The following PLXNB3 variants were observed in gnomAD, a reference collection of about 807,000 sequenced individuals.
The protein encoded by PLXNB3 is plexin-B3.
PLXNB3 carries 80 observed loss-of-function variants against 125.7 expected under a neutral mutation model. The ratio of observed to expected loss-of-function variants is 0.64; its 90% CI spans 0.53 to 0.77. The LOEUF (loss-of-function observed/expected upper bound fraction) is 0.77, where lower values mean the gene tolerates loss of function less well. Ranked by LOEUF, PLXNB3 falls within the 30% of genes least tolerant of loss-of-function variation. The probability of loss-of-function intolerance (pLI) is 0.00; values close to 1 mark genes in which losing one functional copy is unlikely to be tolerated. For synonymous variants in PLXNB3, 954 were observed against 783.3 expected, an observed-to-expected ratio of 1.22 and a Z score of -3.64; for missense variants, 1,836 against 1,729.3, an observed-to-expected ratio of 1.06 and a Z score of -1.09.
chrX:153,765,986 A>G (rs782060175), intron 2 of PLXNB3: 1 of 746,804 alleles, frequency 1.3e-6, no homozygotes, highest in South Asian at 6.9e-5. Flanking sequence ...CCCTTCCCTG[A>G]CCCCTCCCCC....
Position 153,775,024 on chromosome X carries a change from A to G in PLXNB3, c.4076A>G (p.Glu1359Gly). Residue 1359 changes from glutamate to glycine, a missense_variant, in exon 24 of 36, where the codon GAG (glutamate) becomes GGG (glycine). Transcript: ENST00000361971. ...PLQPKPEGPG[E>G]DGHCATVRQG... ...CAGCCCAAGCCTGAGGGGCCAGGGG[A>G]GGACGGCCACTGTGCCACTGTGCGC... 8.3e-7 allele frequency: 1 copy of G among 1,208,548 alleles called. No individual in the cohort carries two copies.
At position 153,771,956 on chromosome X, in the gene PLXNB3, C is replaced by T. The variant is rs141591473; in HGVS notation, c.2610C>T (p.Ala870=). ...GGGCCTTCGCCGATGTGCAGTACGC[C>T]GTGAGCGTGGCCAGCCGGCCCTGCA... ...LGRAFADVQY[A]VSVASRPCNP... The change falls in exon 15 of 36, where the codon GCC becomes GCT. Residue 870 remains alanine (A), a synonymous_variant. Coordinates refer to ENST00000361971, the MANE Select transcript of PLXNB3 (RefSeq NM_005393.3). The T allele has an allele frequency of 1.0e-4, 126 of 1,207,715 alleles. 1 individual carries two copies. The Middle Eastern group carries it at 3.5e-3, about 33-fold the overall frequency.
rs1248500136 is a variant in PLXNB3 at position 153,779,265 on chromosome X, C to T, written c.*226C>T. 5 of 293,660 alleles carry T rather than the reference C, an allele frequency of 1.7e-5. No homozygotes were observed. The highest frequency in any genetic ancestry group is 5.9e-5 in the Admixed American group (1 of 16,842). 24.2% of individuals were successfully genotyped at this position (293,660 alleles called of 1,213,427 possible). A position where few individuals can be genotyped will look rare whatever the true frequency, so the allele number is the denominator to read the frequency against. ...AATTTATAAGGATCCCCCTCCTTCC[C>T]CCTCTCCCCATTGTATTTATTTGCC... On this transcript the variant is annotated 3_prime_UTR_variant, in exon 36 of 36. Coordinates refer to ENST00000361971, the MANE Select transcript of PLXNB3 (RefSeq NM_005393.3).
Position 153,777,364 on chromosome X carries a change from G to A in PLXNB3, c.5084G>A (p.Arg1695His), listed in dbSNP as rs1557064811. The A allele has an allele frequency of 1.0e-5, 12 of 1,200,160 alleles. No homozygotes were observed. The highest frequency in any genetic ancestry group is 3.0e-5 in the East Asian group (1 of 33,596). The change falls in exon 30 of 36, where the codon CGT becomes CAT. Residue 1695 changes from arginine (R) to histidine (H), a missense_variant. Arg to His is a conservative substitution (Grantham distance 29). Coordinates refer to ENST00000361971, the MANE Select transcript of PLXNB3 (RefSeq NM_005393.3). Reference sequence around the variant, plus strand: ...GCCATTCCGGAAATCTACCTCACCCGTCTGCTGTCCATGAAGGTTGGTGCG... The same window carrying A: ...GCCATTCCGGAAATCTACCTCACCCATCTGCTGTCCATGAAGGTTGGTGCG... Reference protein sequence around the residue: ...AKAIPEIYLTRLLSMKGTLQK... With the variant: ...AKAIPEIYLTHLLSMKGTLQK...
Position 153,778,617 on chromosome X carries a change from C to T in PLXNB3, c.5568C>T (p.Pro1856=). 1 of 1,203,273 alleles carries T rather than the reference C, an allele frequency of 8.3e-7. No homozygotes were observed. Among genetic ancestry groups the T allele is most frequent in the Admixed American group, 2.2e-5 (1 of 45,246 alleles). The change falls in exon 35 of 36, where the codon CCC becomes CCT. Residue 1856 remains proline (P), a synonymous_variant. Transcript: ENST00000361971. ...GCCCCCAGAACTACACTTCTGCTCC[C>T]CACTGTCTGGAGGCTCTGCAAGAAC... is the stretch of plus-strand genomic sequence containing the variant. The part of the protein sequence containing the change: ...AELSGNYTSA[P]HCLEALQELY...
chrX:153,766,936 C>A lies in PLXNB3; in HGVS notation c.109C>A (p.Pro37Thr). The change falls in exon 3 of 36, where the codon CCG (proline) becomes ACG (threonine). Residue 37 changes from proline (P) to threonine (T), a missense_variant. Coordinates refer to ENST00000361971, the MANE Select transcript of PLXNB3 (RefSeq NM_005393.3). ...LCLLLLLLSPPPLPLTGAHRF... is the reference protein window; with the variant it reads ...LCLLLLLLSPTPLPLTGAHRF... ...CCTCCTCCTGCTGCTGCTGTCCCCA[C>A]CGCCACTGCCCTTGACAGGGGCCCA... The A allele has an allele frequency of 8.3e-7, 1 of 1,210,120 alleles. No individual in the cohort carries two copies. The highest frequency in any genetic ancestry group is 1.1e-6 in the Non-Finnish European group (1 of 895,342).
Position 153,770,238 on chromosome X carries a change from T to C in PLXNB3, c.1776T>C (p.Pro592=), listed in dbSNP as rs782672870. ...CCCAAGACCAGGTGCCACTTAACCCTCCAGGCACAGGTGAGTGGCCCATGG... is the reference window on the plus strand; with the variant it reads ...CCCAAGACCAGGTGCCACTTAACCCCCCAGGCACAGGTGAGTGGCCCATGG... ...TPPQDQVPLN[P]PGTDHVTVPL... is the part of the protein sequence containing the mutation. The change falls in exon 8 of 36, where the codon CCT becomes CCC. Residue 592 remains proline, a synonymous_variant. Coordinates refer to ENST00000361971, the MANE Select transcript of PLXNB3 (RefSeq NM_005393.3). 40 of 1,209,210 alleles carry C rather than the reference T, an allele frequency of 3.3e-5. No individual in the cohort carries two copies. Among genetic ancestry groups the C allele is most frequent in the Admixed American group, 6.5e-5 (3 of 45,871 alleles).
chrX:153,776,510 G>A (rs1158899888), intron 28 of PLXNB3, 51 bp downstream of exon 28: 1 of 297,776 alleles, frequency 3.4e-6, no homozygotes, highest in Admixed American at 4.7e-5. Context: ...GGGGCAGGGC[G>A]AGGCAGGGCA....
intron 31 of PLXNB3, 121 bp downstream of exon 31, chrX:153,777,809 G>C: frequency 9.4e-7 from 1 of 1,068,380 alleles, no homozygotes; most frequent in Non-Finnish European, 1.3e-6. Flanking sequence ...GAAGATCTAG[G>C]GCCCAGGTCA....
intron 4 of PLXNB3, 145 bp from the exon 5 acceptor site, chrX:153,768,802 TG>T: frequency 1.5e-6 from 1 of 647,816 alleles, no homozygotes; most frequent in Non-Finnish European, 2.4e-6. Context: ...GGGTGCTGAG[TG>T]GGGGAAGTGA....
Position 153,767,320 on chromosome X carries a change from G to C in PLXNB3, c.493G>C (p.Ala165Pro). The C allele has an allele frequency of 8.3e-7, 1 of 1,205,411 alleles. No individual in the cohort carries two copies. The highest frequency in any genetic ancestry group is 1.1e-6 in the Non-Finnish European group (1 of 892,644). The change falls in exon 3 of 36, where the codon GCT becomes CCT. Residue 165 changes from alanine to proline, a missense_variant. Transcript: ENST00000361971. ...GGACCCTGGTGACGGGCAGTTTGTG[G>C]CTGCCAATACCCCGGGAGTGGCAAC... ...AEDPGDGQFV[A>P]ANTPGVATVG...
chrX:153,764,596 A>G (rs1241302699), intron 1 of PLXNB3, among the ~76,000 whole-genome samples: 1 of 112,956 alleles, frequency 8.9e-6, no homozygotes, highest in East Asian at 2.8e-4. Context: ...CCACCCCCAC[A>G]GCCACCCAAC....
Position 153,767,276 on chromosome X carries a change from AG to A in PLXNB3, c.451del (p.Val151CysfsTer150). The A allele has an allele frequency of 8.3e-7, 1 of 1,206,265 alleles. No individual in the cohort carries two copies. The highest frequency in any genetic ancestry group is 1.1e-6 in the Non-Finnish European group (1 of 893,076). ...CETRRLGDVA[E>X]VLYQAEDPGD... ...ACACGGCGCCTTGGGGATGTGGCCG[AG>A]GTGCTGTACCAGGCTGAGGACCCTG... On this transcript the variant is annotated frameshift_variant, in exon 3 of 36. Transcript: ENST00000361971. LOFTEE classifies it high-confidence loss of function.
chrX:153,775,413 G>C lies in PLXNB3; in HGVS notation c.4334+10G>C. 3.7e-5 allele frequency: 44 copies of C among 1,201,695 alleles called. No homozygotes were observed. Among genetic ancestry groups the C allele is most frequent in the Non-Finnish European group, 4.9e-5 (44 of 889,886 alleles). On this transcript the variant is annotated intron_variant, in intron 25 of 35. Coordinates refer to ENST00000361971, the MANE Select transcript of PLXNB3 (RefSeq NM_005393.3). ...AGCTCATGCTACGCAGGTTGGCCTT[G>C]ACCTGGACCCGGTGGCGGGGGTGAG...
At chrX:153,764,415 G>C (rs743607) in intron 1 of PLXNB3, 111 bp downstream of exon 1, 33,002 of 112,337 alleles carry the variant, frequency 0.29, 4,537 homozygotes, top group East Asian at 0.55. Context: ...AGGCAAGAGC[G>C]CTCGGGTGTC....
chrX:153,770,654 C>T lies in PLXNB3; in HGVS notation c.2010+12C>T, dbSNP rs782729455. The T allele has an allele frequency of 3.7e-5, 45 of 1,207,695 alleles. No individual in the cohort carries two copies. The highest frequency in any genetic ancestry group is 1.1e-4 in the South Asian group (6 of 56,671). On this transcript the variant is annotated intron_variant, in intron 10 of 35. Transcript: ENST00000361971. The stretch of plus-strand genomic sequence containing the variant: ...ACAGCGCCCAGGAGGTGGGTGGGCC[C>T]GAACTTCGGGCAGAGACAGGGCTGT...
In PLXNB3 at chrX:153,767,814, C is replaced by T. The variant is rs782788267; in HGVS notation, c.987C>T (p.Ala329=). 5 of 1,160,268 alleles carry T rather than the reference C, an allele frequency of 4.3e-6. No individual in the cohort carries two copies. The highest frequency in any genetic ancestry group is 2.6e-5 in the Admixed American group (1 of 38,510). ...MVELGASMEQ[A]RRLCYTAGGR... Reference sequence around the variant, plus strand: ...AGCTGGGTGCCAGCATGGAGCAGGCCCGGAGACTCTGCTACACGGCGGGCG... The same window carrying T: ...AGCTGGGTGCCAGCATGGAGCAGGCTCGGAGACTCTGCTACACGGCGGGCG... The change falls in exon 3 of 36, where the codon GCC becomes GCT. Residue 329 remains alanine (A), a synonymous_variant. Coordinates refer to ENST00000361971, the MANE Select transcript of PLXNB3 (RefSeq NM_005393.3).
Position 153,777,608 on chromosome X carries a change from C to T in PLXNB3, c.5181C>T (p.Tyr1727=), listed in dbSNP as rs1557064923. Residue 1727 remains tyrosine, a synonymous_variant, in exon 31 of 36, where the codon TAC becomes TAT. Transcript: ENST00000361971. ...GGCCCATCCCCATCGCCGTCAAGTA[C>T]CTGTTTGACCTTCTGGATGAGCTAG... The part of the protein sequence containing the change: ...VNRPIPIAVK[Y]LFDLLDELAE... 1.7e-6 allele frequency: 2 copies of T among 1,211,487 alleles called. No individual in the cohort carries two copies. Among genetic ancestry groups the T allele is most frequent in the Admixed American group, 2.2e-5 (1 of 46,156 alleles).
rs2091873632 is a variant in PLXNB3, at chrX:153,767,633, G to A, written c.806G>A (p.Gly269Glu). 1 of 1,197,644 alleles carries A rather than the reference G, an allele frequency of 8.3e-7. No individual in the cohort carries two copies. The highest frequency in any genetic ancestry group is 1.1e-6 in the Non-Finnish European group (1 of 888,663). ...YRSYVARVCL[G>E]DTNLYSYVEV... ...TCCTACGTGGCCCGCGTCTGCCTGG[G>A]GGACACCAACCTGTACTCCTACGTG... Residue 269 changes from glycine to glutamate, a missense_variant, in exon 3 of 36, where the codon GGG becomes GAG. Gly to Glu is a moderately conservative substitution (Grantham distance 98). Transcript: ENST00000361971.
Sources: allele counts gnomAD v4.1 joint callset (sites outside exome capture counted in the v4.1 genomes callset), GRCh38; gene constraint gnomAD v4.1.1; transcripts MANE v1.5; gene names NCBI Gene and HGNC (gene_info 2026-07-23, HGNC 2026-07-21).